The following ASH2L variants were observed in gnomAD, a reference collection of about 807,000 sequenced individuals.
The protein encoded by ASH2L is ASH2 like, histone lysine methyltransferase complex subunit.
In ASH2L, 30 loss-of-function variants were observed where a neutral mutation model predicts 81.1. That is an observed-to-expected ratio of 0.37 (90% CI 0.28 to 0.50). The LOEUF is 0.50. Ranked by LOEUF, ASH2L falls within the 20% of genes least tolerant of loss-of-function variation. The probability of loss-of-function intolerance (pLI) is 0.95; values close to 1 mark genes in which losing one functional copy is unlikely to be tolerated. For synonymous variants in ASH2L, 273 were observed against 279.9 expected, an observed-to-expected ratio of 0.98 and a Z score of 0.24; for missense variants, 559 against 792.1, an observed-to-expected ratio of 0.71 and a Z score of 3.53.
intron 14 of ASH2L, chr8:38,138,188 GAGGATCCCCTGAGCCCAGGAGGTCA>G (rs991421295): frequency 5.9e-5 from 9 of 152,302 alleles, no homozygotes; most frequent in African/African-American, 2.2e-4. Flanking sequence ...GCTGAGGTGG[GAGGATCCCCTGAGCCCAGGAGGTCA>G]AGGGTGCAGT....
At chr8:38,114,131 T>C (rs1261655642) in intron 5 of ASH2L, 61 bp from the exon 6 acceptor site, 1 of 1,056,040 alleles carries the variant, frequency 9.5e-7, no homozygotes, top group African/African-American at 1.7e-5. Context: ...TGCTGTTTTC[T>C]TTCTTTGTCA....
Position 38,128,317 on chromosome 8 carries a change from C to T in ASH2L, c.1192C>T (p.Arg398Trp), listed in dbSNP as rs1434902156. ...RAPQLKISDD[R>W]LTVVGEKGYS... ...TCCCCAGTTAAAGATCTCAGATGAC[C>T]GGCTGACTGTGGTTGGAGAGAAGGG... Residue 398 changes from arginine to tryptophan, a missense_variant, in exon 11 of 16, where the codon CGG becomes TGG. Around this residue, in one of 4 missense-constraint regions of ASH2L, gnomAD observed 318 missense variants for 527.0 expected, o/e 0.60. Transcript: ENST00000343823. 2.5e-6 allele frequency: 4 copies of T among 1,613,956 alleles called. No individual in the cohort carries two copies. Among genetic ancestry groups the T allele is most frequent in the African/African-American group, 1.3e-5 (1 of 74,902 alleles).
intron 7 of ASH2L, 104 bp from the exon 8 acceptor site, chr8:38,116,546 T>C: frequency 1.1e-6 from 1 of 895,366 alleles, no homozygotes. Context: ...AAAAAAAGAA[T>C]TGTCAATTTT....
At chr8:38,132,916 G>A (rs992103260) in intron 12 of ASH2L, among the ~76,000 whole-genome samples, 2 of 152,072 alleles carry the variant, frequency 1.3e-5, no homozygotes, top group African/African-American at 4.8e-5. Context: ...GGCCAACATA[G>A]TGAAACCCTG....
intron 14 of ASH2L, among the ~76,000 whole-genome samples, chr8:38,136,253 A>G (rs564626536): frequency 1.3e-5 from 2 of 151,440 alleles, no homozygotes; most frequent in South Asian, 4.2e-4. Context: ...TTGTTTTTGT[A>G]GAGGCAGGAT....
At chr8:38,130,638 G>T (rs1356079742) in intron 12 of ASH2L, among the ~76,000 whole-genome samples, 2 of 151,186 alleles carry the variant, frequency 1.3e-5, no homozygotes, top group Non-Finnish European at 2.9e-5. Context: ...TCGCTCTGTT[G>T]CCCAGGCTGG....
intron 14 of ASH2L, 45 bp downstream of exon 14, chr8:38,135,811 G>A (rs748299669): frequency 6.2e-6 from 9 of 1,443,446 alleles, no homozygotes; most frequent in Middle Eastern, 1.8e-4. Context: ...GAGGGAAGCA[G>A]ATGAATGGGT....
At chr8:38,130,363 C>T (rs1470195250) in intron 12 of ASH2L, among the ~76,000 whole-genome samples, 1 of 149,530 alleles carries the variant, frequency 6.7e-6, no homozygotes, top group Non-Finnish European at 1.5e-5. Flanking sequence ...GCTTCAGCCT[C>T]CCAAAGTGCT....
At chr8:38,109,070 AC>A (rs942184697) in intron 3 of ASH2L, among the ~76,000 whole-genome samples, 6 of 152,142 alleles carry the variant, frequency 3.9e-5, no homozygotes, top group African/African-American at 1.4e-4. Context: ...ACAGAGTGAT[AC>A]CCTGTCTCAA....
intron 8 of ASH2L, among the ~76,000 whole-genome samples, chr8:38,118,826 G>A (rs1015594437): frequency 1.3e-5 from 2 of 152,204 alleles, no homozygotes; most frequent in African/African-American, 4.8e-5. Context: ...GTTCAAGCAA[G>A]TGAACATCGA....
intron 9 of ASH2L, 135 bp from the exon 10 acceptor site, chr8:38,120,797 T>C: frequency 4.3e-6 from 3 of 690,742 alleles, no homozygotes; most frequent in Non-Finnish European, 7.3e-6. Context: ...GTTACTTATT[T>C]GAGTAATGAG....
chr8:38,127,822 C>T (rs1423535129), intron 10 of ASH2L, among the ~76,000 whole-genome samples: 1 of 146,264 alleles, frequency 6.8e-6, no homozygotes, highest in African/African-American at 2.6e-5. Flanking sequence ...CCAAGGCGGG[C>T]AGATCACGAG....
chr8:38,136,772 CA>C (rs77626059), intron 14 of ASH2L, among the ~76,000 whole-genome samples: 427 of 118,850 alleles, frequency 3.6e-3, no homozygotes, highest in Middle Eastern at 5.3e-3. Flanking sequence ...GACTCTGTGT[CA>C]AAAAAAAAAA....
At position 38,120,926 on chromosome 8, in the gene ASH2L, C is replaced by T. The variant is rs748486617; in HGVS notation, c.948-6C>T. ...GTTTTTTGATGTTATTTTTTCCTTT[C>T]TGCAGTGACCCTTTGTTTTCTGCTC... On this transcript the variant is annotated splice_region_variant and splice_polypyrimidine_tract_variant and intron_variant, in intron 9 of 15. Transcript: ENST00000343823. 3.7e-6 allele frequency: 6 copies of T among 1,611,694 alleles called. No individual in the cohort carries two copies. In the East Asian group the frequency reaches 1.3e-4, roughly 36 times the overall value.
intron 5 of ASH2L, 52 bp from the exon 6 acceptor site, chr8:38,114,140 C>A: frequency 9.2e-7 from 1 of 1,084,744 alleles, no homozygotes. Context: ...CTTTCTTTGT[C>A]AGCATATCTT....
At chr8:38,117,148 T>TA (rs1044593944) in intron 8 of ASH2L, among the ~76,000 whole-genome samples, 125 of 152,368 alleles carry the variant, frequency 8.2e-4, no homozygotes, top group African/African-American at 2.9e-3. Flanking sequence ...ATAGCATTTC[T>TA]ATATTAACCA....
rs146047652 is a variant in ASH2L, at chr8:38,132,738, G to A, written c.1528-716G>A. Reference sequence around the variant, plus strand: ...CGCTTGAACCTGGCAGGCCAAGATTGCAGTGAGCCAAGATCACACCACTGC... The same window carrying A: ...CGCTTGAACCTGGCAGGCCAAGATTACAGTGAGCCAAGATCACACCACTGC... On this transcript the variant is annotated intron_variant, in intron 12 of 15. Transcript: ENST00000343823. 5.7e-3 allele frequency among the ~76,000 whole-genome samples: 863 copies of A among 151,808 alleles called. 2 individuals are homozygous for A. The highest frequency in any genetic ancestry group is 9.0e-3 in the Non-Finnish European group (613 of 67,990).
intron 10 of ASH2L, among the ~76,000 whole-genome samples, chr8:38,127,995 G>A (rs1204348848): frequency 4.6e-5 from 7 of 151,046 alleles, no homozygotes; most frequent in Admixed American, 6.6e-5. Context: ...GCAGTGAGCC[G>A]AGATTGCACC....
At position 38,105,639 on chromosome 8, in the gene ASH2L, G is replaced by A; in HGVS notation, c.89G>A (p.Gly30Glu). ...AVANATGAEE[G>E]EMKPVAAGAA... ...GCAAATGCAACAGGGGCAGAAGAGGGGGAGATGAAGCCGGTGGCAGCGGGA... is the reference window on the plus strand; with the variant it reads ...GCAAATGCAACAGGGGCAGAAGAGGAGGAGATGAAGCCGGTGGCAGCGGGA... Residue 30 changes from glycine to glutamate, a missense_variant, in exon 1 of 16, where the codon GGG becomes GAG. By Grantham distance (98) the Gly-to-Glu change is moderately conservative. Coordinates refer to ENST00000343823, the MANE Select transcript of ASH2L (RefSeq NM_004674.5). The A allele has an allele frequency of 1.9e-6, 3 of 1,601,840 alleles. No individual in the cohort carries two copies. Among genetic ancestry groups the A allele is most frequent in the Non-Finnish European group, 1.7e-6 (2 of 1,175,706 alleles).
Sources: gnomAD v4.1 joint callset for allele counts (sites outside exome capture counted in the v4.1 genomes callset) on GRCh38, gnomAD v4.1.1 for gene constraint, gnomAD v4.1.1 regional missense constraint, MANE v1.5 for transcripts, NCBI Gene and HGNC (gene_info 2026-07-23, HGNC 2026-07-21) for gene names.